The following CLVS1 variants were observed in gnomAD, a reference collection of about 807,000 sequenced individuals.
CLVS1 encodes clavesin-1.
CLVS1 carries 10 observed loss-of-function variants against 33.1 expected under a neutral mutation model. That is an observed-to-expected ratio of 0.30 (90% CI 0.19 to 0.51). The LOEUF is 0.51. CLVS1 is among the 20% of genes least tolerant of loss of function. CLVS1 has a pLI of 0.97. For synonymous variants in CLVS1, 163 were observed against 166.1 expected, an observed-to-expected ratio of 0.98 and a Z score of 0.14; for missense variants, 343 against 433.4, an observed-to-expected ratio of 0.79 and a Z score of 1.85.
intron 2 of CLVS1, among the ~76,000 whole-genome samples, chr8:61,149,539 G>A (rs1171290173): frequency 7.5e-5 from 7 of 93,520 alleles, no homozygotes; most frequent in South Asian, 3.6e-4. Flanking sequence ...GCGACAGAAC[G>A]AGACTCTGTC....
chr8:61,075,576 A>T (rs563327965), intron 1 of CLVS1, among the ~76,000 whole-genome samples: 37 of 152,366 alleles, frequency 2.4e-4, no homozygotes, highest in East Asian at 7.7e-4. Context: ...TCCAGGCATG[A>T]TGCAAGTAAA....
chr8:61,364,605 G>T (rs371066345), intron 2 of CLVS1, among the ~76,000 whole-genome samples: 34 of 152,294 alleles, frequency 2.2e-4, no homozygotes, highest in African/African-American at 6.7e-4. Context: ...TGTAAAATGA[G>T]AAAGGATAAA....
At chr8:61,148,886 A>G (rs1439863216) in intron 2 of CLVS1, among the ~76,000 whole-genome samples, 2 of 152,206 alleles carry the variant, frequency 1.3e-5, no homozygotes, top group Non-Finnish European at 2.9e-5. Flanking sequence ...CAAACATAGC[A>G]AGAGTCACTT....
chr8:60,996,807 G>A, the CLVS1 span, among the ~76,000 whole-genome samples: 14 of 152,132 alleles, frequency 9.2e-5, no homozygotes, highest in African/African-American at 2.2e-4. Flanking sequence ...CAAGCCCTGC[G>A]CGATTGCCTG....
chr8:61,348,594 T>C (rs1208419989), intron 2 of CLVS1, among the ~76,000 whole-genome samples: 1 of 152,086 alleles, frequency 6.6e-6, no homozygotes, highest in African/African-American at 2.4e-5. Context: ...TGTGTAGATA[T>C]GCCTCATTTT....
the CLVS1 span, among the ~76,000 whole-genome samples, chr8:60,990,160 G>A: frequency 2.7e-5 from 4 of 149,978 alleles, no homozygotes; most frequent in Non-Finnish European, 5.9e-5. Context: ...AAAGCAGGAG[G>A]AGGAAACGAT....
At chr8:60,999,705 G>A in the CLVS1 span, among the ~76,000 whole-genome samples, 7 of 152,324 alleles carry the variant, frequency 4.6e-5, no homozygotes, top group South Asian at 1.4e-3. Context: ...AGGTGGAGAA[G>A]GTAAGAAAGA....
chr8:61,146,669 A>G (rs1417415810), intron 2 of CLVS1, among the ~76,000 whole-genome samples: 2 of 152,274 alleles, frequency 1.3e-5, no homozygotes, highest in African/African-American at 4.8e-5. Flanking sequence ...TCTTGGCCTA[A>G]TAACATATGG....
At chr8:61,411,045 T>C (rs1222466362) in intron 3 of CLVS1, among the ~76,000 whole-genome samples, 1 of 152,174 alleles carries the variant, frequency 6.6e-6, no homozygotes, top group Admixed American at 6.5e-5. Context: ...GCAGTGCTTT[T>C]TAAAGCTTCC....
At chr8:61,193,643 C>G (rs145260304) in intron 2 of CLVS1, among the ~76,000 whole-genome samples, 1 of 152,062 alleles carries the variant, frequency 6.6e-6, no homozygotes, top group Admixed American at 6.6e-5. Flanking sequence ...CTAAAATTTT[C>G]TACAAAGTTT....
chr8:61,082,434 T>A (rs1805036930), intron 1 of CLVS1, among the ~76,000 whole-genome samples: 1 of 151,974 alleles, frequency 6.6e-6, no homozygotes, highest in African/African-American at 2.4e-5. Context: ...AAATCACAGA[T>A]CCAGGCAGCT....
rs561785536 is a variant in CLVS1 at position 61,439,952 on chromosome 8, CT to C, written c.631-14184del. ...CTTTTGCTAGCTCTTTCACATAAGG[CT>C]TTTTCATCTGCCGTCTGCAGGACAT... On this transcript the variant is annotated intron_variant, in intron 3 of 5. Transcript: ENST00000325897. Among the ~76,000 whole-genome samples, 298 of 152,306 alleles carry C rather than the reference CT, an allele frequency of 2.0e-3. 2 individuals carry two copies. Among genetic ancestry groups the C allele is most frequent in the African/African-American group, 6.9e-3 (286 of 41,562 alleles).
the CLVS1 span, among the ~76,000 whole-genome samples, chr8:61,017,602 A>G: frequency 1.3e-5 from 2 of 152,280 alleles, no homozygotes; most frequent in Non-Finnish European, 2.9e-5. Context: ...TAATAGCTGG[A>G]CAGGATTCAT....
At position 61,122,850 on chromosome 8, in the gene CLVS1, C is replaced by T. The variant is rs763377076; in HGVS notation, c.-242-8920C>T. 1.1e-4 allele frequency among the ~76,000 whole-genome samples: 11 copies of T among 103,642 alleles called. 2 individuals carry two copies. The highest frequency in any genetic ancestry group is 3.1e-4 in the South Asian group (1 of 3,208). The allele number at this position is 103,642 out of a possible 152,430, so 68.0% of individuals were successfully genotyped here. On this transcript the variant is annotated intron_variant, in intron 1 of 2. Coordinates refer to the CLVS1 transcript ENST00000522621. Reference sequence around the variant, plus strand: ...GCTGAAAAAGGACACTCAACTCTGACGGCTTCAAGTACAGAAAATGTGATT... The same window carrying T: ...GCTGAAAAAGGACACTCAACTCTGATGGCTTCAAGTACAGAAAATGTGATT...
chr8:61,293,630 T>C (rs559594109), intron 1 of CLVS1, among the ~76,000 whole-genome samples: 1 of 152,316 alleles, frequency 6.6e-6, no homozygotes, highest in Non-Finnish European at 1.5e-5. Context: ...TCATTCAGTA[T>C]AAAAATTTCT....
At chr8:61,455,453 G>A (rs926855370) in intron 4 of CLVS1, among the ~76,000 whole-genome samples, 2 of 151,964 alleles carry the variant, frequency 1.3e-5, no homozygotes, top group East Asian at 1.9e-4. Context: ...GTGTGATCAT[G>A]CAGTATTTGT....
chr8:61,036,906 G>A, the CLVS1 span, among the ~76,000 whole-genome samples: 1 of 152,176 alleles, frequency 6.6e-6, no homozygotes, highest in Admixed American at 6.5e-5. Context: ...ATCCATTCGA[G>A]GAGTATTTCT....
intron 1 of CLVS1, among the ~76,000 whole-genome samples, chr8:61,106,369 A>G (rs1805538784): frequency 6.6e-6 from 1 of 152,250 alleles, no homozygotes; most frequent in South Asian, 2.1e-4. Context: ...ACAACGTTGA[A>G]GAGATGGAGC....
At chr8:61,255,953 T>C (rs960115099) in intron 2 of CLVS1, among the ~76,000 whole-genome samples, 14 of 152,176 alleles carry the variant, frequency 9.2e-5, no homozygotes, top group Admixed American at 8.5e-4. Flanking sequence ...TTTTATATGA[T>C]AAAATATATA....
Sources: gnomAD v4.1 joint callset for allele counts (sites outside exome capture counted in the v4.1 genomes callset) on GRCh38, gnomAD v4.1.1 for gene constraint, MANE v1.5 for transcripts, NCBI Gene and HGNC (gene_info 2026-07-23, HGNC 2026-07-21) for gene names.